Variants in CSMD1 observed in about 807,000 individuals in gnomAD.
The protein encoded by CSMD1 is CUB and sushi domain-containing protein 1.
A neutral mutation model predicts 417.5 loss-of-function variants in CSMD1; 213 were observed. The ratio of observed to expected loss-of-function variants is 0.51; its 90% CI spans 0.46 to 0.57. CSMD1 has a LOEUF of 0.57. Ranked by LOEUF, CSMD1 falls within the 20% of genes least tolerant of loss-of-function variation. The pLI, the probability that CSMD1 is intolerant of heterozygous loss-of-function variation, is 0.00. For synonymous variants in CSMD1, 2,862 were observed against 1,736.8 expected (o/e 1.65, Z -16.11); for missense variants, 6,923 against 4,529.7 (o/e 1.53, Z -15.17).
intron 1 of CSMD1, among the ~76,000 whole-genome samples, chr8:4,862,209 G>A (rs1036954485): frequency 5.3e-5 from 8 of 152,014 alleles, no homozygotes; most frequent in Admixed American, 1.3e-4. Context: ...CGAGGCCTGG[G>A]GGGCTTGAAT....
Position 3,244,053 on chromosome 8 carries a change from A to G in CSMD1, c.4154-13822T>C, listed in dbSNP as rs773918334. Reference sequence around the variant, plus strand: ...GCTTCTCACATCTGTAGAAAAATACATAAAGCAATACCAATATACAGAAGC... The same window carrying G: ...GCTTCTCACATCTGTAGAAAAATACGTAAAGCAATACCAATATACAGAAGC... On this transcript the variant is annotated intron_variant, in intron 26 of 69. Coordinates refer to ENST00000635120, the MANE Select transcript of CSMD1 (RefSeq NM_033225.6). 2.0e-5 allele frequency among the ~76,000 whole-genome samples: 3 copies of G among 152,200 alleles called. No homozygotes were observed. The East Asian group carries it at 5.8e-4, about 29-fold the overall frequency.
chr8:3,669,541 C>T (rs1798878807), intron 7 of CSMD1, among the ~76,000 whole-genome samples: 1 of 152,152 alleles, frequency 6.6e-6, no homozygotes, highest in African/African-American at 2.4e-5. Flanking sequence ...AATGGAGAAA[C>T]CTCAGGTTTT....
At chr8:4,751,108 GGA>G in intron 1 of CSMD1, among the ~76,000 whole-genome samples, 1 of 152,294 alleles carries the variant, frequency 6.6e-6, no homozygotes, top group South Asian at 2.1e-4. Flanking sequence ...TGTCTGCCTG[GGA>G]GCAGTGGCTC....
chr8:3,459,988 A>C (rs2117147265), intron 12 of CSMD1, among the ~76,000 whole-genome samples: 1 of 152,176 alleles, frequency 6.6e-6, no homozygotes, highest in East Asian at 1.9e-4. Flanking sequence ...CATTTTGCAC[A>C]TCTCTAAGGA....
At chr8:2,964,287 G>C (rs546956267) in intron 59 of CSMD1, among the ~76,000 whole-genome samples, 1 of 152,190 alleles carries the variant, frequency 6.6e-6, no homozygotes, top group African/African-American at 2.4e-5. Flanking sequence ...CCAAAAGTTG[G>C]AAATGGGTCC....
chr8:3,950,907 A>G (rs1811555873), intron 5 of CSMD1, among the ~76,000 whole-genome samples: 1 of 152,220 alleles, frequency 6.6e-6, no homozygotes, highest in Non-Finnish European at 1.5e-5. Flanking sequence ...ATAAAAAATA[A>G]GGAAAACCAA....
intron 26 of CSMD1, among the ~76,000 whole-genome samples, chr8:3,271,551 TAAA>T (rs1585875663): frequency 6.6e-6 from 1 of 151,092 alleles, no homozygotes; most frequent in South Asian, 2.1e-4. Context: ...AGCAACAGTG[TAAA>T]AGTGTTCCTA....
chr8:4,958,329 C>T (rs1809257462), intron 1 of CSMD1, among the ~76,000 whole-genome samples: 1 of 152,026 alleles, frequency 6.6e-6, no homozygotes. Flanking sequence ...TTCCAATTGT[C>T]AAAATCAAGT....
intron 59 of CSMD1, among the ~76,000 whole-genome samples, chr8:2,964,282 A>G (rs533247610): frequency 2.0e-4 from 30 of 152,318 alleles, no homozygotes; most frequent in South Asian, 2.1e-4. Flanking sequence ...CACACCCAAA[A>G]GTTGGAAATG....
At chr8:4,422,376 G>T (rs1233409514) in intron 2 of CSMD1, among the ~76,000 whole-genome samples, 1 of 152,046 alleles carries the variant, frequency 6.6e-6, no homozygotes, top group African/African-American at 2.4e-5. Flanking sequence ...AACATAACTA[G>T]ATTTGGAAAT....
At chr8:3,705,064 G>A (rs559157485) in intron 7 of CSMD1, among the ~76,000 whole-genome samples, 10 of 152,314 alleles carry the variant, frequency 6.6e-5, no homozygotes, top group South Asian at 2.1e-4. Context: ...CCAGGAAACA[G>A]ATGTCATTTG....
At chr8:2,989,149 A>G (rs1273537116) in intron 54 of CSMD1, among the ~76,000 whole-genome samples, 1 of 152,236 alleles carries the variant, frequency 6.6e-6, no homozygotes, top group Non-Finnish European at 1.5e-5. Flanking sequence ...GAATCAGACC[A>G]TATTGCAGTA....
chr8:3,703,241 G>A (rs906979484), intron 7 of CSMD1, among the ~76,000 whole-genome samples: 11 of 152,120 alleles, frequency 7.2e-5, no homozygotes, highest in African/African-American at 2.7e-4. Flanking sequence ...CTACAGTCGC[G>A]CTGCCCTATG....
intron 3 of CSMD1, among the ~76,000 whole-genome samples, chr8:4,210,247 AG>A: frequency 6.6e-6 from 1 of 152,340 alleles, no homozygotes. Context: ...CAGGAGGGGC[AG>A]AGGACTGCTC....
At chr8:4,237,108 C>G (rs1256261103) in intron 3 of CSMD1, among the ~76,000 whole-genome samples, 1 of 152,194 alleles carries the variant, frequency 6.6e-6, no homozygotes, top group African/African-American at 2.4e-5. Flanking sequence ...TATCCTCCAT[C>G]AAGAACTAGC....
At chr8:4,204,898 G>C (rs1386799192) in intron 3 of CSMD1, among the ~76,000 whole-genome samples, 2 of 152,062 alleles carry the variant, frequency 1.3e-5, no homozygotes, top group Non-Finnish European at 2.9e-5. Context: ...TGTCCTCAAA[G>C]ATCCTCCCAT....
intron 10 of CSMD1, among the ~76,000 whole-genome samples, chr8:3,558,069 T>C (rs1184120621): frequency 1.3e-5 from 2 of 149,182 alleles, no homozygotes; most frequent in Non-Finnish European, 3.0e-5. Flanking sequence ...TGATGAATAG[T>C]GCCTCAATAG....
At chr8:3,618,855 G>A (rs560941314) in intron 7 of CSMD1, among the ~76,000 whole-genome samples, 1 of 152,310 alleles carries the variant, frequency 6.6e-6, no homozygotes, top group South Asian at 2.1e-4. Flanking sequence ...GCGGCCCAGT[G>A]ACCAGTTTCC....
chr8:4,414,400 G>A (rs952256210), intron 3 of CSMD1, among the ~76,000 whole-genome samples: 1 of 152,044 alleles, frequency 6.6e-6, no homozygotes, highest in African/African-American at 2.4e-5. Context: ...TAGAACTGTA[G>A]GCCATTTTCT....
Sources: gnomAD v4.1 joint callset for allele counts (sites outside exome capture counted in the v4.1 genomes callset) on GRCh38, gnomAD v4.1.1 for gene constraint, MANE v1.5 for transcripts, NCBI Gene and HGNC (gene_info 2026-07-23, HGNC 2026-07-21) for gene names.